FNDC3A: variants seen among roughly 807,000 people sequenced by gnomAD.
The protein encoded by FNDC3A is fibronectin type III domain containing 3A.
In FNDC3A, 32 loss-of-function variants were observed where a neutral mutation model predicts 148.9. The ratio of observed to expected loss-of-function variants is 0.21; its 90% CI spans 0.16 to 0.29. FNDC3A has a LOEUF of 0.29. FNDC3A is among the 10% of genes least tolerant of loss of function. The pLI, the probability that FNDC3A is intolerant of heterozygous loss-of-function variation, is 1.00. For synonymous variants in FNDC3A, 472 were observed against 473.6 expected, an observed-to-expected ratio of 1.00 and a Z score of 0.04; for missense variants, 1,191 against 1,452.8, an observed-to-expected ratio of 0.82 and a Z score of 2.93.
At chr13:48,994,293 C>G (rs1016807611) in intron 1 of FNDC3A, among the ~76,000 whole-genome samples, 6 of 152,130 alleles carry the variant, frequency 3.9e-5, no homozygotes, top group Admixed American at 6.5e-5. Context: ...TTTTTAAAGA[C>G]ATGGCAAATA....
At chr13:49,100,920 A>T (rs910425131) in intron 3 of FNDC3A, among the ~76,000 whole-genome samples, 1 of 152,114 alleles carries the variant, frequency 6.6e-6, no homozygotes, top group Non-Finnish European at 1.5e-5. Flanking sequence ...TTGCTTTCCT[A>T]TTAGCATGTA....
intron 2 of FNDC3A, among the ~76,000 whole-genome samples, chr13:49,032,651 G>T (rs1874204113): frequency 6.6e-6 from 1 of 152,120 alleles, no homozygotes; most frequent in Admixed American, 6.5e-5. Context: ...CAGGAGAATG[G>T]CGTGAACCCG....
rs190033058 is a variant in FNDC3A at position 49,067,446 on chromosome 13, G to C, written c.100-7843G>C. Reference sequence around the variant, plus strand: ...CTTGGTCAAAACACAGAATTTTGAGGAATCATTGTATCCATAGGGTAAGGT... The same window carrying C: ...CTTGGTCAAAACACAGAATTTTGAGCAATCATTGTATCCATAGGGTAAGGT... On this transcript the variant is annotated intron_variant, in intron 2 of 25. Coordinates refer to ENST00000492622, the MANE Select transcript of FNDC3A (RefSeq NM_001079673.2). 4.3e-4 allele frequency among the ~76,000 whole-genome samples: 66 copies of C among 152,256 alleles called. 1 individual carries two copies. The highest frequency in any genetic ancestry group is 4.2e-3 in the Admixed American group (64 of 15,294).
intron 8 of FNDC3A, among the ~76,000 whole-genome samples, chr13:49,154,011 T>A (rs1221398853): frequency 5.6e-5 from 7 of 124,214 alleles, no homozygotes; most frequent in African/African-American, 1.9e-4. Context: ...GGCTCTTTTT[T>A]GGTTCCATAT....
intron 2 of FNDC3A, among the ~76,000 whole-genome samples, chr13:49,025,088 T>G (rs1214324479): frequency 1.3e-5 from 2 of 152,044 alleles, no homozygotes; most frequent in African/African-American, 4.8e-5. Context: ...ATCATTAGAT[T>G]TAAAATAGGT....
At chr13:49,012,762 T>C (rs1593468171) in intron 2 of FNDC3A, among the ~76,000 whole-genome samples, 1 of 151,888 alleles carries the variant, frequency 6.6e-6, no homozygotes, top group Non-Finnish European at 1.5e-5. Context: ...TATCTTTTGT[T>C]AAATTTATTC....
At position 49,174,506 on chromosome 13, in the gene FNDC3A, A is replaced by T. The variant is rs543688682; in HGVS notation, c.1302A>T (p.Ser434=). 3.1e-6 allele frequency: 5 copies of T among 1,612,750 alleles called. No homozygotes were observed. Among genetic ancestry groups the T allele is most frequent in the East Asian group, 4.5e-5 (2 of 44,814 alleles). ...AACAATTTAAAATTACTAAACTTTCACCAGCAATGGGCTGTAAATTCAGAC... is the reference window on the plus strand; with the variant it reads ...AACAATTTAAAATTACTAAACTTTCTCCAGCAATGGGCTGTAAATTCAGAC... ...SQKQFKITKL[S]PAMGCKFRLS... Residue 434 remains serine (S), a synonymous_variant, in exon 12 of 26, where the codon TCA becomes TCT. Transcript: ENST00000492622.
chr13:49,184,896 AG>A (rs536463473), intron 14 of FNDC3A, among the ~76,000 whole-genome samples: 307 of 150,848 alleles, frequency 2.0e-3, no homozygotes, highest in African/African-American at 7.2e-3. Flanking sequence ...AGAAATGTAA[AG>A]GGGCTCAGAG....
chr13:48,984,137 A>G (rs1951747116), intron 1 of FNDC3A, among the ~76,000 whole-genome samples: 2 of 152,230 alleles, frequency 1.3e-5, no homozygotes, highest in Non-Finnish European at 2.9e-5. Flanking sequence ...ACTATAAAAT[A>G]CTTAAGATTT....
At chr13:49,117,032 A>T (rs77394886) in intron 4 of FNDC3A, among the ~76,000 whole-genome samples, 6,241 of 152,248 alleles carry the variant, frequency 0.041, 395 homozygotes, top group African/African-American at 0.13. Flanking sequence ...GGGAGAATAG[A>T]AGGGAATGAG....
chr13:49,128,684 C>G (rs1443572047), intron 4 of FNDC3A, among the ~76,000 whole-genome samples: 1 of 152,190 alleles, frequency 6.6e-6, no homozygotes, highest in Admixed American at 6.5e-5. Context: ...TGGTGCCTGA[C>G]CTGACCACCC....
chr13:49,092,021 C>T (rs575889150), intron 3 of FNDC3A, among the ~76,000 whole-genome samples: 9 of 152,284 alleles, frequency 5.9e-5, no homozygotes, highest in South Asian at 4.1e-4. Flanking sequence ...TTGTTATCTG[C>T]GGAAGATGGC....
chr13:49,165,877 C>T (rs1381053848), intron 8 of FNDC3A, among the ~76,000 whole-genome samples: 1 of 152,014 alleles, frequency 6.6e-6, no homozygotes, highest in Non-Finnish European at 1.5e-5. Flanking sequence ...GTGCCTGCTG[C>T]AGTGATTAAA....
intron 8 of FNDC3A, among the ~76,000 whole-genome samples, chr13:49,164,911 C>T (rs916060469): frequency 1.3e-5 from 2 of 152,226 alleles, no homozygotes; most frequent in African/African-American, 4.8e-5. Context: ...GACCTGACTT[C>T]ACATTCTGAA....
At chr13:49,206,564 A>G (rs1886656141) in intron 25 of FNDC3A, among the ~76,000 whole-genome samples, 1 of 152,166 alleles carries the variant, frequency 6.6e-6, no homozygotes, top group Non-Finnish European at 1.5e-5. Flanking sequence ...TTCTGATTCT[A>G]AGTGATCTCC....
At chr13:48,978,632 G>C (rs772452191) in intron 1 of FNDC3A, among the ~76,000 whole-genome samples, 7 of 151,954 alleles carry the variant, frequency 4.6e-5, no homozygotes, top group Middle Eastern at 6.3e-3. Context: ...ATAACTAAGT[G>C]ATTAGTGTTT....
chr13:49,075,276 C>A lies in FNDC3A; in HGVS notation c.100-13C>A, dbSNP rs1183597734. On this transcript the variant is annotated splice_polypyrimidine_tract_variant and intron_variant, in intron 2 of 25. Coordinates refer to ENST00000492622, the MANE Select transcript of FNDC3A (RefSeq NM_001079673.2). ...TTTTGTTTTGATTAATACTTCTTCC[C>A]CTCATTTTTAAGGTTATTCTGGTAC... 2 of 1,508,726 alleles carry A rather than the reference C, an allele frequency of 1.3e-6. No homozygotes were observed. The highest frequency in any genetic ancestry group is 9.2e-7 in the Non-Finnish European group (1 of 1,092,238). The allele number at this position is 1,508,726 out of a possible 1,614,324, so 93.5% of individuals were successfully genotyped here. A position where few individuals can be genotyped will look rare whatever the true frequency, so the allele number is the denominator to read the frequency against.
intron 2 of FNDC3A, among the ~76,000 whole-genome samples, chr13:49,072,375 A>T (rs1032388076): frequency 6.6e-6 from 1 of 152,148 alleles, no homozygotes; most frequent in Non-Finnish European, 1.5e-5. Context: ...AGTGAGAGTT[A>T]AAAAGTTAAA....
intron 2 of FNDC3A, among the ~76,000 whole-genome samples, chr13:49,015,270 C>T (rs1165223188): frequency 2.6e-5 from 4 of 152,048 alleles, no homozygotes; most frequent in Admixed American, 1.3e-4. Context: ...CCTCTTTTAT[C>T]TCCTTGAGCA....
Sources: gnomAD v4.1 joint callset for allele counts (sites outside exome capture counted in the v4.1 genomes callset) on GRCh38, gnomAD v4.1.1 for gene constraint, MANE v1.5 for transcripts, NCBI Gene and HGNC (gene_info 2026-07-23, HGNC 2026-07-21) for gene names.